Variants in CTSH observed in about 807,000 individuals in gnomAD.
CTSH encodes the protein pro-cathepsin H.
Under a neutral mutation model 56.3 loss-of-function variants are expected in CTSH, and 52 were observed. That is an observed-to-expected ratio of 0.92 (90% CI 0.74 to 1.16). The LOEUF is 1.16. Among genes scored for constraint, CTSH ranks in the 50% most tolerant of loss-of-function variants. The pLI is 0.00. For missense variants in CTSH, 406 were observed against 424.5 expected (o/e 0.96, Z 0.38); for synonymous variants, 174 against 155.7 (o/e 1.12, Z -0.88).
Position 78,935,756 on chromosome 15 carries a change from A to C in CTSH, c.230-6T>G, listed in dbSNP as rs144277326. 15 of 1,603,364 alleles carry C rather than the reference A, an allele frequency of 9.4e-6. No homozygotes were observed. The highest frequency in any genetic ancestry group is 1.3e-5 in the African/African-American group (1 of 74,828). On this transcript the variant is annotated splice_region_variant and splice_polypyrimidine_tract_variant and intron_variant, in intron 3 of 11. Coordinates refer to ENST00000220166, the MANE Select transcript of CTSH (RefSeq NM_004390.5). Reference sequence around the variant, plus strand: ...TGAAAATTGGTTCAGTGCCACTACAAAAGAGAAGGAAAAAACCAAAACAGA... The same window carrying C: ...TGAAAATTGGTTCAGTGCCACTACACAAGAGAAGGAAAAAACCAAAACAGA...
In CTSH at chr15:78,929,444, T is replaced by C; in HGVS notation, c.598A>G (p.Met200Val). Reference protein sequence around the residue: ...FEYILYNKGIMGEDTYPYQGK... With the variant: ...FEYILYNKGIVGEDTYPYQGK... ...TGGTAGGGGTAGGTGTCTTCACCCA[T>C]GATCCCCTTGTTGTACAGGATATAC... The change falls in exon 8 of 12, where the codon ATG becomes GTG. Residue 200 changes from methionine (M) to valine (V), a missense_variant. Met to Val is a conservative substitution (Grantham distance 21). Coordinates refer to ENST00000220166, the MANE Select transcript of CTSH (RefSeq NM_004390.5). The C allele has an allele frequency of 1.9e-6, 3 of 1,612,510 alleles. No individual in the cohort carries two copies. Among genetic ancestry groups the C allele is most frequent in the Non-Finnish European group, 2.5e-6 (3 of 1,179,144 alleles).
intron 7 of CTSH, among the ~76,000 whole-genome samples, chr15:78,930,206 T>C (rs918190974): frequency 1.3e-5 from 2 of 152,218 alleles, no homozygotes; most frequent in Admixed American, 1.3e-4. Context: ...AAGGAAGTAC[T>C]GTCCTGAACC....
At position 78,921,426 on chromosome 15, in the gene CTSH, G is replaced by C. The variant is rs963287371; in HGVS notation, c.*704C>G. Reference sequence around the variant, plus strand: ...GGGGTGGGCAGTCTCATGTGGAGGTGGGGGGCAGAGTCTGAGTAGGAGTAG... The same window carrying C: ...GGGGTGGGCAGTCTCATGTGGAGGTCGGGGGCAGAGTCTGAGTAGGAGTAG... On this transcript the variant is annotated 3_prime_UTR_variant, in exon 12 of 12. Coordinates refer to ENST00000220166, the MANE Select transcript of CTSH (RefSeq NM_004390.5). 5.9e-5 allele frequency: 9 copies of C among 152,452 alleles called. No individual in the cohort carries two copies. Among genetic ancestry groups the C allele is most frequent in the Non-Finnish European group, 1.0e-4 (7 of 68,122 alleles). 9.4% of individuals were successfully genotyped at this position (152,452 alleles called of 1,614,324 possible).
intron 3 of CTSH, 56 bp downstream of exon 3, chr15:78,937,262 T>A: frequency 6.7e-7 from 1 of 1,484,350 alleles, no homozygotes; most frequent in Non-Finnish European, 9.4e-7. Flanking sequence ...GGCCCTTTCA[T>A]GGGCTGGGTC....
chr15:78,929,230 G>A (rs534334643), intron 8 of CTSH, among the ~76,000 whole-genome samples, 182 bp downstream of exon 8: 70 of 152,160 alleles, frequency 4.6e-4, no homozygotes, highest in African/African-American at 1.6e-3. Flanking sequence ...CCCCTGGACT[G>A]GTGAGAGCAG....
chr15:78,928,119 T>C (rs892247605), intron 8 of CTSH, among the ~76,000 whole-genome samples: 4 of 151,982 alleles, frequency 2.6e-5, no homozygotes, highest in African/African-American at 9.7e-5. Context: ...AAAACAATGC[T>C]GGCAAGAGGC....
At chr15:78,938,852 G>A (rs1376357513) in intron 2 of CTSH, among the ~76,000 whole-genome samples, 2 of 152,028 alleles carry the variant, frequency 1.3e-5, no homozygotes, top group Non-Finnish European at 1.5e-5. Context: ...TTTTTACAAT[G>A]GTTGTACTAA....
rs67065242 is a variant in CTSH at position 78,934,208 on chromosome 15, CATGG to C, written c.405+766_405+769del. ...CCCGGGAGGCTTTAAAGCTGTGCTG[CATGG>C]ATGGCTTTTTGGAAAGTGAAAAAAC... On this transcript the variant is annotated intron_variant, in intron 5 of 11. Transcript: ENST00000220166. 4.3e-3 allele frequency among the ~76,000 whole-genome samples: 659 copies of C among 152,358 alleles called. 1 individual carries two copies. Among genetic ancestry groups the C allele is most frequent in the Middle Eastern group, 0.017 (5 of 294 alleles).
intron 1 of CTSH, 32 bp downstream of exon 1, chr15:78,944,859 G>A: frequency 6.5e-7 from 1 of 1,541,532 alleles, no homozygotes; most frequent in African/African-American, 1.4e-5. Flanking sequence ...GGGCCTGCTA[G>A]CACCCTCTCG....
chr15:78,931,143 C>T (rs1221235437), intron 7 of CTSH, among the ~76,000 whole-genome samples: 2 of 151,834 alleles, frequency 1.3e-5, no homozygotes, highest in African/African-American at 4.8e-5. Flanking sequence ...GTGTGTTGCT[C>T]ACTCTATTAA....
At chr15:78,927,940 C>T (rs775285446) in intron 8 of CTSH, among the ~76,000 whole-genome samples, 159 bp from the exon 9 acceptor site, 7 of 152,156 alleles carry the variant, frequency 4.6e-5, no homozygotes, top group African/African-American at 7.2e-5. Flanking sequence ...CCTCAAGGAG[C>T]TTAGGGTCTG....
chr15:78,937,451 C>G (rs553534954), intron 2 of CTSH, 28 bp from the exon 3 acceptor site: 1 of 1,589,094 alleles, frequency 6.3e-7, no homozygotes, highest in Non-Finnish European at 8.6e-7. Context: ...AGTAGCAAGT[C>G]ATGGAAACAG....
chr15:78,927,841 A>C, intron 8 of CTSH, 60 bp from the exon 9 acceptor site: 1 of 1,379,734 alleles, frequency 7.2e-7, no homozygotes, highest in Non-Finnish European at 1.0e-6. Context: ...CAGCCTCCCC[A>C]CGCAGTTCAA....
At chr15:78,923,832 T>C (rs961788164) in intron 10 of CTSH, among the ~76,000 whole-genome samples, 2 of 152,176 alleles carry the variant, frequency 1.3e-5, no homozygotes, top group African/African-American at 4.8e-5. Context: ...TTTACAAAAG[T>C]GAACTAGCCT....
chr15:78,928,583 AAAAAAAG>A lies in CTSH; in HGVS notation c.631-809_631-803del, dbSNP rs1354299489. ...CCGTCTCAAAAAAAAAAAAAAAAAA[AAAAAAAG>A]AAGGGAGAGTAAAAGAGACAGGGAG... On this transcript the variant is annotated intron_variant, in intron 8 of 11. Transcript: ENST00000220166. Among the ~76,000 whole-genome samples, 493 of 149,830 alleles carry A rather than the reference AAAAAAAG, an allele frequency of 3.3e-3. 2 individuals are homozygous for A. Among genetic ancestry groups the A allele is most frequent in the African/African-American group, 0.011 (431 of 40,598 alleles).
At chr15:78,923,255 G>T (rs2141513959) in intron 10 of CTSH, 137 bp from the exon 11 acceptor site, 1 of 895,802 alleles carries the variant, frequency 1.1e-6, no homozygotes, top group Non-Finnish European at 1.7e-6. Flanking sequence ...AGGTGGTGAT[G>T]TAATCACATT....
At position 78,922,038 on chromosome 15, in the gene CTSH, C is replaced by T; in HGVS notation, c.*92G>A. ...GAATGTTGGGGGTCCCAGTGGATCT[C>T]CCCACAACTTCCTCCAGGGCAGGAT... is the stretch of plus-strand genomic sequence containing the variant. On this transcript the variant is annotated 3_prime_UTR_variant, in exon 12 of 12. Transcript: ENST00000220166. 1 of 1,212,104 alleles carries T rather than the reference C, an allele frequency of 8.3e-7. No homozygotes were observed. Among genetic ancestry groups the T allele is most frequent in the African/African-American group, 1.5e-5 (1 of 66,706 alleles). 75.1% of individuals were successfully genotyped at this position (1,212,104 alleles called of 1,614,324 possible). A position where few individuals can be genotyped will look rare whatever the true frequency, so the allele number is the denominator to read the frequency against.
intron 3 of CTSH, among the ~76,000 whole-genome samples, chr15:78,936,213 C>T (rs1367199365): frequency 5.0e-5 from 7 of 141,366 alleles, no homozygotes; most frequent in East Asian, 2.0e-4. Context: ...GACAGAGTCT[C>T]GCTCTGTCAC....
chr15:78,932,248 G>T, intron 6 of CTSH, 124 bp downstream of exon 6: 1 of 889,636 alleles, frequency 1.1e-6, no homozygotes. Context: ...CACAAGGCTG[G>T]GGCATCTGGG....
Sources: allele counts gnomAD v4.1 joint callset (sites outside exome capture counted in the v4.1 genomes callset), GRCh38; gene constraint gnomAD v4.1.1; transcripts MANE v1.5; gene names NCBI Gene and HGNC (gene_info 2026-07-23, HGNC 2026-07-21).